The following CREB5 variants were observed in gnomAD, a reference collection of about 807,000 sequenced individuals.
The protein encoded by CREB5 is cyclic AMP-responsive element-binding protein 5.
A neutral mutation model predicts 57.1 loss-of-function variants in CREB5; 19 were observed. The observed-to-expected ratio is 0.33, with a 90% CI of 0.23 to 0.49. The LOEUF is 0.49. Among genes scored for constraint, CREB5 ranks in the 20% least tolerant of loss-of-function variants. CREB5 has a pLI of 0.99. For missense variants in CREB5, 579 were observed against 671.6 expected (o/e 0.86, Z 1.52); for synonymous variants, 238 against 238.3 (o/e 1.00, Z 0.01).
chr7:28,329,982 C>T (rs2127986328), intron 1 of CREB5, among the ~76,000 whole-genome samples: 1 of 152,322 alleles, frequency 6.6e-6, no homozygotes, highest in Non-Finnish European at 1.5e-5. Flanking sequence ...AACACCTTTC[C>T]CACCAGTTCA....
intron 1 of CREB5, among the ~76,000 whole-genome samples, chr7:28,352,813 A>G (rs1562670282): frequency 6.6e-6 from 1 of 152,208 alleles, no homozygotes; most frequent in Non-Finnish European, 1.5e-5. Flanking sequence ...TCTCCATTTT[A>G]CAGACAAAGA....
In CREB5 at chr7:28,445,604, T is replaced by G. The variant is rs539107483; in HGVS notation, c.3+32687T>G. On this transcript the variant is annotated intron_variant, in intron 1 of 10. Coordinates refer to ENST00000357727, the MANE Select transcript of CREB5 (RefSeq NM_182898.4). ...TCTCGCTCTGTTGCCCAGGCTGGAG[T>G]GCAGTGGCGCGATCTCGGCTCACTG... is the stretch of plus-strand genomic sequence containing the variant. Among the ~76,000 whole-genome samples the G allele has an allele frequency of 2.0e-5, 3 of 151,834 alleles. 1 individual carries two copies. The highest frequency in any genetic ancestry group is 1.3e-4 in the Admixed American group (2 of 15,224).
At chr7:28,734,206 C>CAAAAAAAAAAA (rs61403862) in intron 7 of CREB5, among the ~76,000 whole-genome samples, 5 of 96,426 alleles carry the variant, frequency 5.2e-5, no homozygotes, top group Admixed American at 1.2e-4. Context: ...TTCAGTAGTT[C>CAAAAAAAAAAA]AAAAAAAAAA....
chr7:28,757,846 C>G (rs1258187411), intron 7 of CREB5, among the ~76,000 whole-genome samples: 1 of 152,042 alleles, frequency 6.6e-6, no homozygotes, highest in South Asian at 2.1e-4. Context: ...TCTGAAAAGT[C>G]AAAATCTGAA....
At chr7:28,737,424 A>C (rs1804040260) in intron 7 of CREB5, among the ~76,000 whole-genome samples, 1 of 150,548 alleles carries the variant, frequency 6.6e-6, no homozygotes, top group Non-Finnish European at 1.5e-5. Flanking sequence ...CCATTGACAA[A>C]ATGGGGATAA....
At position 28,822,679 on chromosome 7, in the gene CREB5, G is replaced by A. The variant is rs560798785; in HGVS notation, c.*3400G>A. On this transcript the variant is annotated 3_prime_UTR_variant, in exon 11 of 11. Coordinates refer to ENST00000357727, the MANE Select transcript of CREB5 (RefSeq NM_182898.4). ...TAACAACTCAGATAAGTACACCTGAGAGCATTTCTATCAGGTAAACTGTCA... is the reference window on the plus strand; with the variant it reads ...TAACAACTCAGATAAGTACACCTGAAAGCATTTCTATCAGGTAAACTGTCA... 1 of 152,752 alleles carries A rather than the reference G, an allele frequency of 6.5e-6. No individual in the cohort carries two copies. Among genetic ancestry groups the A allele is most frequent in the South Asian group, 2.1e-4 (1 of 4,830 alleles). The allele number at this position is 152,752 out of a possible 1,614,324, so 9.5% of individuals were successfully genotyped here. A position where few individuals can be genotyped will look rare whatever the true frequency, so the allele number is the denominator to read the frequency against.
At position 28,560,893 on chromosome 7, in the gene CREB5, T is replaced by TGCGC. The variant is rs1187390811; in HGVS notation, c.292-9471_292-9470insCGCG. On this transcript the variant is annotated intron_variant, in intron 4 of 10. Coordinates refer to ENST00000357727, the MANE Select transcript of CREB5 (RefSeq NM_182898.4). Reference sequence around the variant, plus strand: ...GCGTGCGCGTGCGTGCGTGCGTGTGTGTGCGTGCGCGCGTGCGTGTGCGTG... The same window carrying TGCGC: ...GCGTGCGCGTGCGTGCGTGCGTGTGTGCGCGTGCGTGCGCGCGTGCGTGTGCGTG... 2.0e-3 allele frequency among the ~76,000 whole-genome samples: 40 copies of TGCGC among 20,470 alleles called. 3 individuals are homozygous for TGCGC. The highest frequency in any genetic ancestry group is 0.01 in the East Asian group (3 of 286). The allele number at this position is 20,470 out of a possible 152,430, so 13.4% of individuals were successfully genotyped here. A position where few individuals can be genotyped will look rare whatever the true frequency, so the allele number is the denominator to read the frequency against.
At chr7:28,445,752 T>C (rs373087356) in intron 1 of CREB5, among the ~76,000 whole-genome samples, 2,128 of 151,570 alleles carry the variant, frequency 0.014, 29 homozygotes, top group African/African-American at 0.032. Flanking sequence ...GGGGTTTCAC[T>C]GTGTTAGCCA....
At chr7:28,367,955 G>C (rs918086580) in intron 1 of CREB5, among the ~76,000 whole-genome samples, 1 of 152,170 alleles carries the variant, frequency 6.6e-6, no homozygotes, top group Non-Finnish European at 1.5e-5. Flanking sequence ...TGGAGGACTT[G>C]ATGCTTCCTA....
chr7:28,418,669 T>A (rs1216378823), intron 1 of CREB5, among the ~76,000 whole-genome samples: 2 of 152,264 alleles, frequency 1.3e-5, no homozygotes, highest in African/African-American at 4.8e-5. Flanking sequence ...TTTTCTGTAA[T>A]GTCATTCATT....
chr7:28,755,250 TG>T (rs1340619815), intron 7 of CREB5, among the ~76,000 whole-genome samples: 1 of 152,188 alleles, frequency 6.6e-6, no homozygotes, highest in Non-Finnish European at 1.5e-5. Context: ...GAGAGGTCAC[TG>T]AAGGAGGAAC....
chr7:28,349,152 G>A (rs1454475240), intron 1 of CREB5, among the ~76,000 whole-genome samples: 1 of 152,144 alleles, frequency 6.6e-6, no homozygotes, highest in Non-Finnish European at 1.5e-5. Context: ...GTGATGCCTG[G>A]GTGGAGAGGA....
intron 7 of CREB5, among the ~76,000 whole-genome samples, chr7:28,748,087 A>G (rs1047746262): frequency 6.6e-6 from 1 of 152,224 alleles, no homozygotes; most frequent in African/African-American, 2.4e-5. Context: ...GGCTTTGGAT[A>G]AGCAGGATAA....
chr7:28,709,668 T>C (rs994069761), intron 5 of CREB5, among the ~76,000 whole-genome samples: 2 of 151,178 alleles, frequency 1.3e-5, no homozygotes, highest in South Asian at 2.1e-4. Context: ...ATTGGCTTAC[T>C]TGAAGCCAGG....
chr7:28,733,191 G>GA (rs1803764805), intron 7 of CREB5, among the ~76,000 whole-genome samples: 1 of 152,174 alleles, frequency 6.6e-6, no homozygotes, highest in Non-Finnish European at 1.5e-5. Context: ...CAGTAACCTT[G>GA]ATTTCAAAAT....
intron 5 of CREB5, among the ~76,000 whole-genome samples, chr7:28,683,308 T>C (rs914801565): frequency 1.3e-5 from 2 of 152,138 alleles, no homozygotes; most frequent in Admixed American, 6.6e-5. Flanking sequence ...AAGTAGGGCT[T>C]CTTTTCAAGT....
chr7:28,375,909 A>G (rs1168210085), intron 1 of CREB5, among the ~76,000 whole-genome samples: 1 of 152,226 alleles, frequency 6.6e-6, no homozygotes, highest in East Asian at 1.9e-4. Flanking sequence ...CTCCCATTTT[A>G]CAGATGGGAA....
At chr7:28,554,253 C>T (rs1794777637) in intron 4 of CREB5, among the ~76,000 whole-genome samples, 1 of 152,244 alleles carries the variant, frequency 6.6e-6, no homozygotes, top group Admixed American at 6.5e-5. Flanking sequence ...TCTGGTCACA[C>T]CATCTCTTTG....
chr7:28,513,501 G>C (rs1792805869), intron 4 of CREB5: 1 of 151,506 alleles, frequency 6.6e-6, no homozygotes, highest in South Asian at 2.1e-4. Context: ...AGTGATATTG[G>C]AGATGACAAC....
Sources: gnomAD v4.1 joint callset for allele counts (sites outside exome capture counted in the v4.1 genomes callset) on GRCh38, gnomAD v4.1.1 for gene constraint, MANE v1.5 for transcripts, NCBI Gene and HGNC (gene_info 2026-07-23, HGNC 2026-07-21) for gene names.